The following ACSL3 variants were observed in gnomAD, a reference collection of about 807,000 sequenced individuals.
The protein encoded by ACSL3 is acyl-CoA synthetase long chain family member 3.
ACSL3 carries 34 observed loss-of-function variants against 84.7 expected under a neutral mutation model. That is an observed-to-expected ratio of 0.40 (90% confidence interval 0.31 to 0.53). The LOEUF (loss-of-function observed/expected upper bound fraction) is 0.53, where lower values mean the gene tolerates loss of function less well. ACSL3 is among the 20% of genes least tolerant of loss of function. The pLI is 0.48. For missense variants in ACSL3, 680 were observed against 873.1 expected, an observed-to-expected ratio of 0.78 and a Z score of 2.79; for synonymous variants, 315 against 299.4, an observed-to-expected ratio of 1.05 and a Z score of -0.54.
intron 4 of ACSL3, among the ~76,000 whole-genome samples, chr2:222,914,938 T>TA (rs1339838467): frequency 5.9e-5 from 9 of 152,254 alleles, no homozygotes; most frequent in East Asian, 1.9e-4. Flanking sequence ...GTGGAAATCT[T>TA]ACGCTCATTT....
At chr2:222,888,708 T>C (rs1350744497) in intron 2 of ACSL3, among the ~76,000 whole-genome samples, 3 of 152,250 alleles carry the variant, frequency 2.0e-5, no homozygotes, top group Non-Finnish European at 4.4e-5. Context: ...AGGAAACTCC[T>C]ATGTTACCCT....
rs149467866 is a variant in ACSL3 at position 222,894,404 on chromosome 2, C to A, written c.-147-6270C>A. Among the ~76,000 whole-genome samples, 273 of 152,344 alleles carry A rather than the reference C, an allele frequency of 1.8e-3. 1 individual carries two copies. The highest frequency in any genetic ancestry group is 6.4e-3 in the African/African-American group (265 of 41,576). ...TAAATAACTCTTTGATCTAATGCAA[C>A]TGACCATTGGCATAGAACATTTTAA... On this transcript the variant is annotated intron_variant, in intron 2 of 16. Transcript: ENST00000357430.
In ACSL3 at chr2:222,916,563, G is replaced by A. The variant is rs1696590120; in HGVS notation, c.556+67G>A. The A allele has an allele frequency of 2.8e-6, 4 of 1,439,602 alleles. No individual in the cohort carries two copies. The Admixed American group carries it at 7.1e-5, about 25-fold the overall frequency. The allele number at this position is 1,439,602 out of a possible 1,614,324, so 89.2% of individuals were successfully genotyped here. ...GATATTTATTGAAATACTTTACTCT[G>A]AAGAGGTTAAAATTCTGATGTTAAT... On this transcript the variant is annotated intron_variant, in intron 5 of 16. Coordinates refer to ENST00000357430, the MANE Select transcript of ACSL3 (RefSeq NM_004457.5).
intron 1 of ACSL3, among the ~76,000 whole-genome samples, chr2:222,886,479 A>G (rs1695725110): frequency 6.6e-6 from 1 of 152,250 alleles, no homozygotes; most frequent in South Asian, 2.1e-4. Context: ...TTAATGAAGC[A>G]GTGGTATGTT....
intron 2 of ACSL3, among the ~76,000 whole-genome samples, chr2:222,895,242 T>A (rs1268384515): frequency 6.6e-6 from 1 of 152,194 alleles, no homozygotes; most frequent in Admixed American, 6.5e-5. Context: ...TTTTGCTTAT[T>A]ACTCTGAGAA....
intron 4 of ACSL3, among the ~76,000 whole-genome samples, chr2:222,910,841 A>T (rs1240057462): frequency 6.6e-6 from 1 of 152,164 alleles, no homozygotes; most frequent in Non-Finnish European, 1.5e-5. Flanking sequence ...TTTTTAAGAC[A>T]TATTCCCTAT....
chr2:222,927,288 G>A (rs1696909365), intron 12 of ACSL3, 99 bp downstream of exon 12: 2 of 1,245,416 alleles, frequency 1.6e-6, no homozygotes, highest in African/African-American at 1.5e-5. Context: ...GTAGTAAGGT[G>A]TTTGTGAGGC....
At chr2:222,935,840 G>C (rs1294277024) in intron 16 of ACSL3, among the ~76,000 whole-genome samples, 1 of 152,012 alleles carries the variant, frequency 6.6e-6, no homozygotes. Context: ...GTAATGTTAA[G>C]TGTATTTACA....
chr2:222,922,590 AC>A, intron 8 of ACSL3, 117 bp from the exon 9 acceptor site: 2 of 1,249,716 alleles, frequency 1.6e-6, no homozygotes, highest in East Asian at 4.7e-5. Flanking sequence ...TACACACTTG[AC>A]CAGCAAATTG....
chr2:222,870,591 T>C (rs1435378866), intron 1 of ACSL3, among the ~76,000 whole-genome samples: 2 of 152,230 alleles, frequency 1.3e-5, no homozygotes, highest in Admixed American at 6.5e-5. Context: ...TATCAGAGAA[T>C]GCCTAATCAA....
chr2:222,931,356 G>C (rs1697025970), intron 14 of ACSL3, among the ~76,000 whole-genome samples: 1 of 151,204 alleles, frequency 6.6e-6, no homozygotes, highest in African/African-American at 2.4e-5. Flanking sequence ...AGAGCTTGCA[G>C]CAAGCGGAGA....
intron 1 of ACSL3, among the ~76,000 whole-genome samples, chr2:222,867,172 T>G (rs1236871489): frequency 1.3e-5 from 2 of 152,172 alleles, no homozygotes. Flanking sequence ...TTCCTCAGGA[T>G]GCTTTCCCCT....
chr2:222,865,767 G>A (rs1254867782), intron 1 of ACSL3, among the ~76,000 whole-genome samples: 1 of 150,454 alleles, frequency 6.6e-6, no homozygotes, highest in African/African-American at 2.5e-5. Flanking sequence ...CCAGGAAATA[G>A]AATGTTTTAC....
intron 4 of ACSL3, among the ~76,000 whole-genome samples, chr2:222,914,495 C>G (rs1172463752): frequency 1.3e-5 from 2 of 152,106 alleles, no homozygotes; most frequent in Non-Finnish European, 2.9e-5. Flanking sequence ...TTCCTGGCCT[C>G]AAATGAGTTG....
At chr2:222,893,326 G>C (rs1020986190) in intron 2 of ACSL3, among the ~76,000 whole-genome samples, 4 of 152,096 alleles carry the variant, frequency 2.6e-5, no homozygotes, top group Non-Finnish European at 1.5e-5. Flanking sequence ...TGGATGTGAG[G>C]GGCATAAAAT....
chr2:222,862,975 T>C (rs1695051496), intron 1 of ACSL3, among the ~76,000 whole-genome samples: 1 of 152,214 alleles, frequency 6.6e-6, no homozygotes, highest in Non-Finnish European at 1.5e-5. Flanking sequence ...AATCAGATCT[T>C]AAAGCCTCGA....
At chr2:222,924,200 G>A (rs1423603964) in intron 10 of ACSL3, among the ~76,000 whole-genome samples, 1 of 152,128 alleles carries the variant, frequency 6.6e-6, no homozygotes, top group African/African-American at 2.4e-5. Flanking sequence ...ATATATTTCT[G>A]CTTTTAAAAA....
intron 1 of ACSL3, among the ~76,000 whole-genome samples, chr2:222,881,789 C>T (rs1489782455): frequency 2.0e-5 from 3 of 152,302 alleles, no homozygotes; most frequent in East Asian, 3.9e-4. Context: ...TAGGTGTGAG[C>T]CATTGCGCCC....
At chr2:222,935,842 G>A (rs1697155989) in intron 16 of ACSL3, among the ~76,000 whole-genome samples, 1 of 152,084 alleles carries the variant, frequency 6.6e-6, no homozygotes, top group Non-Finnish European at 1.5e-5. Context: ...AATGTTAAGT[G>A]TATTTACATT....
Sources: gnomAD v4.1 joint callset for allele counts (sites outside exome capture counted in the v4.1 genomes callset) on GRCh38, gnomAD v4.1.1 for gene constraint, MANE v1.5 for transcripts, NCBI Gene and HGNC (gene_info 2026-07-23, HGNC 2026-07-21) for gene names.